FAM13B: variants seen among roughly 807,000 people sequenced by gnomAD.
FAM13B encodes the protein family with sequence similarity 13 member B, also known as protein FAM13B.
FAM13B carries 60 observed loss-of-function variants against 117.3 expected under a neutral mutation model. The observed-to-expected ratio is 0.51, with a 90% CI of 0.42 to 0.63. The LOEUF (loss-of-function observed/expected upper bound fraction) is 0.63, where lower values mean the gene tolerates loss of function less well. Ranked by LOEUF, FAM13B falls within the 30% of genes least tolerant of loss-of-function variation. FAM13B has a pLI of 0.00. For missense variants in FAM13B, 972 were observed against 1,091.9 expected (o/e 0.89, Z 1.55); for synonymous variants, 332 against 356.1 (o/e 0.93, Z 0.76).
chr5:138,024,833 AG>A (rs1561543335), intron 1 of FAM13B, among the ~76,000 whole-genome samples: 128 of 147,636 alleles, frequency 8.7e-4, no homozygotes, highest in African/African-American at 2.9e-3. Flanking sequence ...AGAGAGAGAG[AG>A]AAAGAGAGAG....
intron 10 of FAM13B, among the ~76,000 whole-genome samples, chr5:137,980,374 T>A (rs890401118): frequency 2.0e-5 from 3 of 151,896 alleles, no homozygotes; most frequent in Admixed American, 2.0e-4. Flanking sequence ...CATAAAGGTT[T>A]CCTAAAAACA....
intron 7 of FAM13B, among the ~76,000 whole-genome samples, chr5:137,988,944 T>C (rs1777926448): frequency 6.6e-6 from 1 of 152,178 alleles, no homozygotes; most frequent in African/African-American, 2.4e-5. Flanking sequence ...AACTGATCTA[T>C]TTCCAAAGCT....
chr5:137,986,342 A>T lies in FAM13B; in HGVS notation c.1047-953T>A, dbSNP rs529022914. 5.0e-4 allele frequency among the ~76,000 whole-genome samples: 69 copies of T among 136,944 alleles called. 1 individual carries two copies. The highest frequency in any genetic ancestry group is 3.9e-3 in the Middle Eastern group (1 of 254). 89.8% of individuals were successfully genotyped at this position (136,944 alleles called of 152,430 possible). The stretch of plus-strand genomic sequence containing the variant: ...AGTTAGCCCTTTTAAAAACTGTCTT[A>T]AAAAAAAAACCACTCCCCAATTATC... On this transcript the variant is annotated intron_variant, in intron 9 of 23. Transcript: ENST00000689681.
intron 18 of FAM13B, among the ~76,000 whole-genome samples, chr5:137,947,734 C>T (rs1178030309): frequency 6.6e-6 from 1 of 152,054 alleles, no homozygotes. Flanking sequence ...GCATGTGCCA[C>T]CACAACCTGC....
intron 1 of FAM13B, 91 bp from the exon 2 acceptor site, chr5:138,021,288 G>T: frequency 1.0e-6 from 1 of 991,370 alleles, no homozygotes; most frequent in Admixed American, 4.3e-5. Context: ...CCTCTTAAGA[G>T]GTTACCTATA....
intron 10 of FAM13B, among the ~76,000 whole-genome samples, chr5:137,983,216 C>CAA (rs1776324740): frequency 1.1e-5 from 1 of 94,770 alleles, no homozygotes; most frequent in African/African-American, 4.1e-5. Flanking sequence ...AAAAAAAAAA[C>CAA]CGAGTGAGAT....
chr5:138,005,897 C>T, intron 7 of FAM13B, among the ~76,000 whole-genome samples: 1 of 151,482 alleles, frequency 6.6e-6, no homozygotes, highest in East Asian at 1.9e-4. Flanking sequence ...TTATTATTTC[C>T]TCTTCTTTTT....
chr5:138,050,094 C>T (rs1032578810), intron 1 of FAM13B, among the ~76,000 whole-genome samples: 4 of 152,016 alleles, frequency 2.6e-5, no homozygotes, highest in African/African-American at 4.8e-5. Context: ...GCTATGATCA[C>T]TCAACTGTAC....
intron 10 of FAM13B, among the ~76,000 whole-genome samples, chr5:137,983,273 T>A (rs984791347): frequency 6.7e-6 from 1 of 149,448 alleles, no homozygotes; most frequent in Non-Finnish European, 1.5e-5. Context: ...GTGGGAGTAA[T>A]TAATTGAATC....
chr5:138,032,999 C>T lies in FAM13B; in HGVS notation c.-420G>A, dbSNP rs1790576589. ...CCCGGCGGTGGTGGCGACGCAGACG[C>T]GGAACAGGGGGAGAGAGTGGCGACA... On this transcript the variant is annotated 5_prime_UTR_variant, in exon 1 of 24. Transcript: ENST00000689681. 2.0e-6 allele frequency: 2 copies of T among 986,334 alleles called. No individual in the cohort carries two copies. The highest frequency in any genetic ancestry group is 4.7e-5 in the South Asian group (1 of 21,332). 61.1% of individuals were successfully genotyped at this position (986,334 alleles called of 1,614,324 possible). A position where few individuals can be genotyped will look rare whatever the true frequency, so the allele number is the denominator to read the frequency against.
At chr5:137,986,478 G>A (rs934463110) in intron 9 of FAM13B, among the ~76,000 whole-genome samples, 5 of 147,106 alleles carry the variant, frequency 3.4e-5, no homozygotes, top group African/African-American at 1.3e-4. Flanking sequence ...ACTGCACCAC[G>A]GTCTCTGAGG....
At chr5:137,972,674 C>T (rs76308939) in intron 10 of FAM13B, among the ~76,000 whole-genome samples, 111,963 of 151,634 alleles carry the variant, frequency 0.74, 41,985 homozygotes, top group East Asian at 0.97. Context: ...CAAATTGTCC[C>T]GGTTTGCAGA....
Position 138,020,939 on chromosome 5 carries a change from C to G in FAM13B, c.-36+92G>C, listed in dbSNP as rs903792969. The G allele has an allele frequency of 3.6e-6, 3 of 838,254 alleles. No homozygotes were observed. In the African/African-American group the frequency reaches 5.3e-5, roughly 15 times the overall value. 51.9% of individuals were successfully genotyped at this position (838,254 alleles called of 1,614,324 possible). A position where few individuals can be genotyped will look rare whatever the true frequency, so the allele number is the denominator to read the frequency against. Reference sequence around the variant, plus strand: ...TGGTGCCAGCTAAGAACTATAAAACCTCAAGTTAAATCAAATAGCAGCTAC... The same window carrying G: ...TGGTGCCAGCTAAGAACTATAAAACGTCAAGTTAAATCAAATAGCAGCTAC... On this transcript the variant is annotated intron_variant, in intron 2 of 23. Transcript: ENST00000689681.
intron 10 of FAM13B, among the ~76,000 whole-genome samples, chr5:137,970,196 A>AC (rs1771634851): frequency 6.6e-6 from 1 of 151,896 alleles, no homozygotes; most frequent in African/African-American, 2.4e-5. Flanking sequence ...AAAAATGTTA[A>AC]GGGCAGCCAG....
chr5:138,008,929 G>A (rs942300112), intron 6 of FAM13B, among the ~76,000 whole-genome samples: 1 of 152,186 alleles, frequency 6.6e-6, no homozygotes, highest in Non-Finnish European at 1.5e-5. Context: ...GATCACTTGA[G>A]GGCAGAAGAT....
chr5:138,031,571 G>T (rs1790020809), intron 1 of FAM13B, among the ~76,000 whole-genome samples: 1 of 151,976 alleles, frequency 6.6e-6, no homozygotes, highest in South Asian at 2.1e-4. Context: ...TGTAGTCCCA[G>T]CTACTCAGGA....
chr5:137,977,224 C>T (rs905958733), intron 10 of FAM13B, among the ~76,000 whole-genome samples: 1 of 152,066 alleles, frequency 6.6e-6, no homozygotes, highest in African/African-American at 2.4e-5. Context: ...TTGGTCAGAC[C>T]GGTTGCTCTC....
intron 10 of FAM13B, among the ~76,000 whole-genome samples, chr5:137,971,114 A>G (rs1432042943): frequency 1.3e-5 from 2 of 151,744 alleles, no homozygotes; most frequent in Non-Finnish European, 3.0e-5. Flanking sequence ...AGCGGACCTT[A>G]TAGACATCTA....
intron 11 of FAM13B, 41 bp from the exon 12 acceptor site, chr5:137,960,255 A>C (rs747080071): frequency 1.7e-6 from 2 of 1,159,372 alleles, no homozygotes; most frequent in South Asian, 2.8e-5. Context: ...TAAGAATAAA[A>C]AGGCTACTAT....
Sources: allele counts gnomAD v4.1 joint callset (sites outside exome capture counted in the v4.1 genomes callset), GRCh38; gene constraint gnomAD v4.1.1; transcripts MANE v1.5; gene names NCBI Gene and HGNC (gene_info 2026-07-23, HGNC 2026-07-21).